AUH: variants seen among roughly 807,000 people sequenced by gnomAD.
AUH encodes the protein AU RNA binding methylglutaconyl-CoA hydratase, also known as methylglutaconyl-CoA hydratase, mitochondrial.
In AUH, 29 loss-of-function variants were observed where a neutral mutation model predicts 42.3. The observed-to-expected ratio is 0.69, with a 90% CI of 0.51 to 0.93. The LOEUF is 0.93. AUH is among the 40% of genes least tolerant of loss of function. The probability of loss-of-function intolerance (pLI) is 0.00; values close to 1 mark genes in which losing one functional copy is unlikely to be tolerated. For missense variants in AUH, 452 were observed against 438.1 expected, an observed-to-expected ratio of 1.03 and a Z score of -0.28; for synonymous variants, 174 against 166.4, an observed-to-expected ratio of 1.05 and a Z score of -0.35.
At chr9:91,287,218 A>G (rs1201469908) in intron 6 of AUH, among the ~76,000 whole-genome samples, 2 of 152,148 alleles carry the variant, frequency 1.3e-5, no homozygotes, top group Non-Finnish European at 2.9e-5. Context: ...TCTTGCCAAA[A>G]ATGAATAATC....
intron 3 of AUH, among the ~76,000 whole-genome samples, chr9:91,341,027 T>G (rs1434851043): frequency 6.6e-6 from 1 of 152,202 alleles, no homozygotes; most frequent in Non-Finnish European, 1.5e-5. Flanking sequence ...AAACTACTAC[T>G]GAGTATCAAT....
At chr9:91,339,767 A>C (rs1830965969) in intron 3 of AUH, among the ~76,000 whole-genome samples, 1 of 152,166 alleles carries the variant, frequency 6.6e-6, no homozygotes, top group Admixed American at 6.5e-5. Context: ...CTCAAAATAT[A>C]TGAAATGGCT....
intron 3 of AUH, among the ~76,000 whole-genome samples, chr9:91,335,704 G>C (rs1587885186): frequency 2.0e-5 from 3 of 152,150 alleles, no homozygotes; most frequent in Middle Eastern, 6.8e-3. Flanking sequence ...TTTTTTGTTA[G>C]CATTTAGTTC....
At position 91,220,816 on chromosome 9, in the gene AUH, ACTCT is replaced by A; in HGVS notation, c.828_831del (p.Arg276SerfsTer10). ...TTAATGAGAAATACCTGAGGTAAAA[ACTCT>A]CTCGCCAGGTCCAAGGCCTTCCTGT... On this transcript the variant is annotated frameshift_variant, in exon 7 of 10. Coordinates refer to ENST00000375731, the MANE Select transcript of AUH (RefSeq NM_001698.3). LOFTEE classifies it high-confidence loss of function. 2 of 1,613,876 alleles carry A rather than the reference ACTCT, an allele frequency of 1.2e-6. No individual in the cohort carries two copies. The highest frequency in any genetic ancestry group is 1.7e-6 in the Non-Finnish European group (2 of 1,179,976).
chr9:91,329,801 C>G (rs1436702606), intron 3 of AUH, among the ~76,000 whole-genome samples: 1 of 151,942 alleles, frequency 6.6e-6, no homozygotes, highest in African/African-American at 2.4e-5. Flanking sequence ...TAAAAATCAA[C>G]ACTCATTCCT....
chr9:91,253,573 T>G (rs796454742), intron 6 of AUH, among the ~76,000 whole-genome samples: 10 of 152,330 alleles, frequency 6.6e-5, no homozygotes, highest in African/African-American at 2.2e-4. Flanking sequence ...ACCTTTCTAT[T>G]TACATTGAAC....
chr9:91,267,140 C>T (rs904468316), intron 6 of AUH, among the ~76,000 whole-genome samples: 1 of 152,050 alleles, frequency 6.6e-6, no homozygotes, highest in African/African-American at 2.4e-5. Flanking sequence ...GAAAGGTGCC[C>T]CAGCTACTAA....
chr9:91,253,133 C>T (rs1057456130), intron 6 of AUH, among the ~76,000 whole-genome samples: 22 of 152,172 alleles, frequency 1.4e-4, no homozygotes, highest in African/African-American at 4.1e-4. Flanking sequence ...AAAGTAAGCT[C>T]GTACCTAATA....
chr9:91,354,164 G>A (rs1478272318), intron 3 of AUH, among the ~76,000 whole-genome samples: 7 of 149,352 alleles, frequency 4.7e-5, no homozygotes, highest in Non-Finnish European at 8.9e-5. Flanking sequence ...GTGAAAGTCC[G>A]TCTCAAAAAA....
chr9:91,309,487 A>G (rs1037592395), intron 4 of AUH, among the ~76,000 whole-genome samples: 5 of 152,170 alleles, frequency 3.3e-5, no homozygotes, highest in Non-Finnish European at 7.4e-5. Context: ...CAGCCATAAT[A>G]AAAGAATGAA....
intron 6 of AUH, among the ~76,000 whole-genome samples, chr9:91,268,116 C>T (rs771963217): frequency 1.3e-5 from 2 of 152,170 alleles, no homozygotes; most frequent in African/African-American, 2.4e-5. Flanking sequence ...GACCAACAAT[C>T]GTAATAAACA....
At chr9:91,333,123 C>G (rs1340677918) in intron 3 of AUH, among the ~76,000 whole-genome samples, 1 of 152,186 alleles carries the variant, frequency 6.6e-6, no homozygotes, top group African/African-American at 2.4e-5. Flanking sequence ...CAAGAGATGT[C>G]CGACCTCCCA....
At chr9:91,310,299 A>G (rs567857269) in intron 4 of AUH, among the ~76,000 whole-genome samples, 12 of 152,234 alleles carry the variant, frequency 7.9e-5, no homozygotes, top group Non-Finnish European at 1.8e-4. Flanking sequence ...TTGGAATTTT[A>G]GGTAGAGGCA....
intron 4 of AUH, among the ~76,000 whole-genome samples, chr9:91,319,754 T>C (rs1477335989): frequency 1.3e-5 from 2 of 152,198 alleles, no homozygotes; most frequent in Non-Finnish European, 2.9e-5. Flanking sequence ...CCACTGCGCA[T>C]GCAGACAGCC....
At chr9:91,301,101 G>A (rs1443537985) in intron 4 of AUH, among the ~76,000 whole-genome samples, 4 of 151,208 alleles carry the variant, frequency 2.6e-5, no homozygotes, top group Non-Finnish European at 5.9e-5. Context: ...AACTTCTTTT[G>A]TTTAATAAAG....
At chr9:91,245,573 G>A (rs1206731536) in intron 6 of AUH, among the ~76,000 whole-genome samples, 1 of 152,158 alleles carries the variant, frequency 6.6e-6, no homozygotes, top group African/African-American at 2.4e-5. Flanking sequence ...CAAGATCAGT[G>A]GGACCAAGAT....
intron 6 of AUH, among the ~76,000 whole-genome samples, chr9:91,254,397 A>T (rs560019508): frequency 6.6e-6 from 1 of 152,286 alleles, no homozygotes; most frequent in East Asian, 1.9e-4. Context: ...GAAGGGCAAA[A>T]CTGAGCAATG....
At chr9:91,259,807 T>C (rs1043048589) in intron 6 of AUH, among the ~76,000 whole-genome samples, 9 of 152,126 alleles carry the variant, frequency 5.9e-5, no homozygotes, top group Non-Finnish European at 1.5e-5. Flanking sequence ...CTTATGTCAG[T>C]TTTTTAAATT....
chr9:91,341,764 A>G (rs1459541125), intron 3 of AUH, among the ~76,000 whole-genome samples: 3 of 152,192 alleles, frequency 2.0e-5, no homozygotes, highest in Non-Finnish European at 4.4e-5. Context: ...GCTGACTGAT[A>G]ATCAATAAGT....
Sources: gnomAD v4.1 joint callset for allele counts (sites outside exome capture counted in the v4.1 genomes callset) on GRCh38, gnomAD v4.1.1 for gene constraint, MANE v1.5 for transcripts, NCBI Gene and HGNC (gene_info 2026-07-23, HGNC 2026-07-21) for gene names.